The following HERC3 variants were observed in gnomAD, a reference collection of about 807,000 sequenced individuals.
HERC3 encodes HECT and RLD domain containing E3 ubiquitin protein ligase 3.
HERC3 carries 58 observed loss-of-function variants against 129.9 expected under a neutral mutation model. The observed-to-expected ratio is 0.45, with a 90% CI of 0.36 to 0.56. The LOEUF (loss-of-function observed/expected upper bound fraction) is 0.56. Among genes scored for constraint, HERC3 ranks in the 20% least tolerant of loss-of-function variants. The pLI is 0.00. For synonymous variants in HERC3, 430 were observed against 451.0 expected, an observed-to-expected ratio of 0.95 and a Z score of 0.59; for missense variants, 835 against 1,244.2, an observed-to-expected ratio of 0.67 and a Z score of 4.95.
intron 16 of HERC3, among the ~76,000 whole-genome samples, chr4:88,672,554 G>A (rs1369404773): frequency 6.6e-6 from 1 of 152,150 alleles, no homozygotes; most frequent in East Asian, 1.9e-4. Context: ...TTAAATAATA[G>A]ATGGATTTTT....
At chr4:88,549,194 C>G in the HERC3 span, among the ~76,000 whole-genome samples, 4 of 152,118 alleles carry the variant, frequency 2.6e-5, no homozygotes, top group South Asian at 4.1e-4. Context: ...AAACTTATTC[C>G]TTTGCATGTG....
intron 3 of HERC3, among the ~76,000 whole-genome samples, chr4:88,640,438 G>C (rs770508992): frequency 1.1e-4 from 16 of 152,302 alleles, no homozygotes; most frequent in Non-Finnish European, 1.9e-4. Flanking sequence ...CATTGATGAA[G>C]CTGGAAGCCA....
chr4:88,649,124 T>G (rs992511260), intron 3 of HERC3, among the ~76,000 whole-genome samples: 1 of 152,206 alleles, frequency 6.6e-6, no homozygotes, highest in African/African-American at 2.4e-5. Context: ...CTTTCATGTT[T>G]AAGTTTTCCT....
At chr4:88,629,333 TTTC>T (rs952039171) in intron 3 of HERC3, among the ~76,000 whole-genome samples, 9 of 152,248 alleles carry the variant, frequency 5.9e-5, no homozygotes, top group Non-Finnish European at 2.9e-5. Context: ...TTCCAGTATT[TTTC>T]TTAACAGCAA....
the HERC3 span, among the ~76,000 whole-genome samples, chr4:88,552,329 C>T: frequency 6.6e-5 from 10 of 152,088 alleles, no homozygotes; most frequent in East Asian, 1.9e-3. Flanking sequence ...GTCTCAGAGT[C>T]CATTCTTTGG....
chr4:88,689,945 T>G, intron 23 of HERC3: 1 of 955,554 alleles, frequency 1.0e-6, no homozygotes, highest in Non-Finnish European at 1.2e-6. Flanking sequence ...TAACCATTTT[T>G]TTTTTGTCAT....
the HERC3 span, among the ~76,000 whole-genome samples, chr4:88,549,045 C>T: frequency 2.0e-5 from 3 of 152,130 alleles, no homozygotes; most frequent in African/African-American, 7.2e-5. Context: ...GGTGTCATAT[C>T]TAAGAAACTA....
At chr4:88,580,832 T>G in the HERC3 span, among the ~76,000 whole-genome samples, 1 of 152,146 alleles carries the variant, frequency 6.6e-6, no homozygotes, top group Non-Finnish European at 1.5e-5. Context: ...TATTGAAAGA[T>G]TTGGTAAGAG....
intron 11 of HERC3, among the ~76,000 whole-genome samples, chr4:88,663,084 T>C (rs1730671293): frequency 6.6e-6 from 1 of 152,174 alleles, no homozygotes; most frequent in Non-Finnish European, 1.5e-5. Context: ...TTTTACACAT[T>C]TTCATTGGCT....
upstream of HERC3, chr4:88,592,467 G>C (rs1721782647): frequency 6.6e-6 from 1 of 152,346 alleles, no homozygotes; most frequent in Non-Finnish European, 1.5e-5. Flanking sequence ...CCGCAGGCTT[G>C]CGGGGAAACT....
the HERC3 span, among the ~76,000 whole-genome samples, chr4:88,558,626 C>T: frequency 6.6e-6 from 1 of 152,020 alleles, no homozygotes; most frequent in African/African-American, 2.4e-5. Flanking sequence ...AACCAAAAAC[C>T]ACCTGTATCC....
upstream of HERC3, among the ~76,000 whole-genome samples, chr4:88,587,753 G>A (rs1037620153): frequency 3.9e-5 from 6 of 152,154 alleles, no homozygotes; most frequent in Non-Finnish European, 8.8e-5. Context: ...GGAAGACTAT[G>A]TTTCTTTGCC....
rs143501568 is a variant in HERC3 at position 88,700,342 on chromosome 4, C to G, written c.2658-3756C>G. 1.6e-3 allele frequency among the ~76,000 whole-genome samples: 244 copies of G among 152,162 alleles called. 1 individual carries two copies. The highest frequency in any genetic ancestry group is 6.8e-3 in the Middle Eastern group (2 of 294). On this transcript the variant is annotated intron_variant, in intron 23 of 25. Transcript: ENST00000402738. ...ATTGCTGGGTCATACAGTAAATGTA[C>G]GCTTAACTTCATAAGAAGCTGCCAC...
At chr4:88,699,968 G>A (rs994227619) in intron 23 of HERC3, among the ~76,000 whole-genome samples, 8 of 152,066 alleles carry the variant, frequency 5.3e-5, no homozygotes, top group Admixed American at 1.3e-4. Context: ...CTAAAAGTCC[G>A]TTGTGGCCCT....
intron 23 of HERC3, among the ~76,000 whole-genome samples, chr4:88,701,960 G>C (rs1030074893): frequency 1.3e-5 from 2 of 151,954 alleles, no homozygotes; most frequent in Admixed American, 6.6e-5. Flanking sequence ...GCACCACCAG[G>C]CCTGGCTAAT....
intron 23 of HERC3, among the ~76,000 whole-genome samples, chr4:88,698,468 G>T (rs1394216993): frequency 6.6e-6 from 1 of 152,034 alleles, no homozygotes; most frequent in Non-Finnish European, 1.5e-5. Context: ...AGCCATTTGG[G>T]TAGGAAATCT....
intron 4 of HERC3, among the ~76,000 whole-genome samples, chr4:88,651,674 G>A (rs1402325679): frequency 6.6e-6 from 1 of 152,066 alleles, no homozygotes; most frequent in Admixed American, 6.6e-5. Context: ...AATGGTGATG[G>A]GGAATTGTTG....
chr4:88,652,610 A>C (rs1729412816), intron 5 of HERC3, among the ~76,000 whole-genome samples: 1 of 152,158 alleles, frequency 6.6e-6, no homozygotes, highest in Non-Finnish European at 1.5e-5. Context: ...TCCGAAATTG[A>C]ATTTACTTAT....
intron 16 of HERC3, among the ~76,000 whole-genome samples, chr4:88,674,358 T>C (rs1161101715): frequency 1.3e-5 from 2 of 152,250 alleles, no homozygotes; most frequent in Admixed American, 1.3e-4. Context: ...AATGTCAGTA[T>C]GTACTTAAAA....
Sources: gnomAD v4.1 joint callset for allele counts (sites outside exome capture counted in the v4.1 genomes callset) on GRCh38, gnomAD v4.1.1 for gene constraint, MANE v1.5 for transcripts, NCBI Gene and HGNC (gene_info 2026-07-23, HGNC 2026-07-21) for gene names.